Variants in SNAP47 observed in about 807,000 individuals in gnomAD.
SNAP47 encodes the protein synaptosome associated protein 47, also known as synaptosomal-associated protein 47.
In SNAP47, 20 loss-of-function variants were observed where a neutral mutation model predicts 31.4. The observed-to-expected ratio is 0.64, with a 90% CI of 0.45 to 0.93. The LOEUF is 0.93. Among genes scored for constraint, SNAP47 ranks in the 40% least tolerant of loss-of-function variants. SNAP47 has a pLI of 0.00. For missense variants in SNAP47, 492 were observed against 528.5 expected (o/e 0.93, Z 0.68); for synonymous variants, 194 against 213.4 (o/e 0.91, Z 0.79).
upstream of SNAP47, chr1:227,735,020 C>T: frequency 3.2e-6 from 5 of 1,548,722 alleles, no homozygotes; most frequent in Non-Finnish European, 4.4e-6. Context: ...ACCGTAGGTC[C>T]GTAGCAGGTG....
chr1:227,770,375 TG>T (rs1432173737), intron 4 of SNAP47, among the ~76,000 whole-genome samples: 1 of 152,110 alleles, frequency 6.6e-6, no homozygotes, highest in Admixed American at 6.5e-5. Flanking sequence ...TCTGGGCATG[TG>T]GGGAGCCAGG....
chr1:227,775,824 G>A (rs1253646537), intron 4 of SNAP47: 1 of 1,304,198 alleles, frequency 7.7e-7, no homozygotes, highest in Non-Finnish European at 1.0e-6. Flanking sequence ...CCCAGACAGT[G>A]TTGGTGATGC....
At chr1:227,759,830 G>C (rs771612943) in intron 3 of SNAP47, among the ~76,000 whole-genome samples, 1 of 152,210 alleles carries the variant, frequency 6.6e-6, no homozygotes, top group Non-Finnish European at 1.5e-5. Context: ...TGGTCACAAG[G>C]ACTCTGCCCT....
Position 227,775,925 on chromosome 1 carries a change from C to T in SNAP47, c.1114-4602C>T, listed in dbSNP as rs555770936. Reference sequence around the variant, plus strand: ...CTTTTCTTCCAGAACAGCCTTTGCTCAGGGCATGAGGGAGCCGGCCAGGCC... The same window carrying T: ...CTTTTCTTCCAGAACAGCCTTTGCTTAGGGCATGAGGGAGCCGGCCAGGCC... On this transcript the variant is annotated intron_variant, in intron 4 of 4. Coordinates refer to ENST00000617596, the MANE Select transcript of SNAP47 (RefSeq NM_053052.4). 55 of 1,301,650 alleles carry T rather than the reference C, an allele frequency of 4.2e-5. 1 individual carries two copies. The South Asian group carries it at 6.2e-4, about 15-fold the overall frequency. The allele number at this position is 1,301,650 out of a possible 1,614,324, so 80.6% of individuals were successfully genotyped here. A position where few individuals can be genotyped will look rare whatever the true frequency, so the allele number is the denominator to read the frequency against.
At chr1:227,761,464 G>A (rs761992389) in intron 3 of SNAP47, among the ~76,000 whole-genome samples, 1 of 152,174 alleles carries the variant, frequency 6.6e-6, no homozygotes, top group Non-Finnish European at 1.5e-5. Flanking sequence ...GACCCCTATG[G>A]AATGGAGCAT....
At chr1:227,775,680 A>G in intron 4 of SNAP47, 1 of 1,096,506 alleles carries the variant, frequency 9.1e-7, no homozygotes, top group Non-Finnish European at 1.2e-6. Flanking sequence ...GCTGCTTTGT[A>G]GGTGGGCCCA....
At chr1:227,770,308 C>T (rs1358483915) in intron 4 of SNAP47, among the ~76,000 whole-genome samples, 7 of 152,190 alleles carry the variant, frequency 4.6e-5, no homozygotes, top group African/African-American at 1.2e-4. Context: ...ACTGAGGGTG[C>T]GGTCAGGCTC....
At chr1:227,748,342 C>A in intron 2 of SNAP47, 109 bp downstream of exon 2, 1 of 1,228,136 alleles carries the variant, frequency 8.1e-7, no homozygotes, top group Non-Finnish European at 1.1e-6. Flanking sequence ...ACACATCCAG[C>A]ATTCTGAGAT....
chr1:227,734,496 G>A, upstream of SNAP47: 1 of 655,578 alleles, frequency 1.5e-6, no homozygotes, highest in Non-Finnish European at 2.6e-6. Context: ...TTGCAGCCAT[G>A]CGGAAGACAA....
At chr1:227,758,318 A>G (rs1434081842) in intron 2 of SNAP47, among the ~76,000 whole-genome samples, 1 of 152,126 alleles carries the variant, frequency 6.6e-6, no homozygotes, top group African/African-American at 2.4e-5. Context: ...GTCTAGGGAG[A>G]TTCATCCTGC....
chr1:227,765,362 C>T (rs1207777111), intron 3 of SNAP47, among the ~76,000 whole-genome samples: 1 of 152,182 alleles, frequency 6.6e-6, no homozygotes, highest in Non-Finnish European at 1.5e-5. Context: ...CGGGGGCCAC[C>T]CTGTGATCTC....
chr1:227,776,473 C>T, intron 4 of SNAP47: 1 of 985,872 alleles, frequency 1.0e-6, no homozygotes, highest in Non-Finnish European at 1.2e-6. Context: ...TCGCCTCTGA[C>T]TCAGAGCCCA....
upstream of SNAP47, chr1:227,732,772 G>A: frequency 6.3e-7 from 1 of 1,588,674 alleles, no homozygotes; most frequent in Non-Finnish European, 8.6e-7. Flanking sequence ...ACGAAGAAGG[G>A]ACCATTAAGA....
intron 4 of SNAP47, among the ~76,000 whole-genome samples, chr1:227,771,654 G>GCCCACC (rs1244675213): frequency 1.1e-4 from 6 of 55,488 alleles, no homozygotes; most frequent in African/African-American, 2.8e-4. Context: ...TGTGCACCCC[G>GCCCACC]CCCACCCCCA....
upstream of SNAP47, chr1:227,732,367 C>A (rs756031409): frequency 1.2e-5 from 19 of 1,604,702 alleles, no homozygotes; most frequent in Non-Finnish European, 1.6e-5. Context: ...CTCTTCCACC[C>A]GTCCTTCTAT....
chr1:227,750,489 C>G (rs1662277543), intron 2 of SNAP47, among the ~76,000 whole-genome samples: 1 of 152,260 alleles, frequency 6.6e-6, no homozygotes, highest in South Asian at 2.1e-4. Context: ...TATGTGGACA[C>G]TAATGTGACC....
chr1:227,734,539 A>C, upstream of SNAP47: 1 of 965,232 alleles, frequency 1.0e-6, no homozygotes, highest in African/African-American at 1.6e-5. Flanking sequence ...AAAGTGCCTC[A>C]CGGGGAAAAA....
chr1:227,736,126 TG>T (rs931480257), intron 1 of SNAP47: 4 of 147,462 alleles, frequency 2.7e-5, no homozygotes, highest in African/African-American at 1.0e-4. Context: ...GAGAGGATGG[TG>T]GGGACCTGGA....
intron 2 of SNAP47, among the ~76,000 whole-genome samples, chr1:227,754,539 C>G (rs1425392817): frequency 6.6e-6 from 1 of 152,206 alleles, no homozygotes; most frequent in African/African-American, 2.4e-5. Context: ...AGGGACCACG[C>G]CCTTCCCTTT....
Sources: gnomAD v4.1 joint callset for allele counts (sites outside exome capture counted in the v4.1 genomes callset) on GRCh38, gnomAD v4.1.1 for gene constraint, MANE v1.5 for transcripts, NCBI Gene and HGNC (gene_info 2026-07-23, HGNC 2026-07-21) for gene names.